HMGB1: variants seen among roughly 807,000 people sequenced by gnomAD.
HMGB1 encodes the protein high mobility group box 1, also known as high mobility group protein B1.
For synonymous variants in HMGB1, 81 were observed against 84.0 expected, an observed-to-expected ratio of 0.96 and a Z score of 0.19; for missense variants, 79 against 253.5, an observed-to-expected ratio of 0.31 and a Z score of 4.67.
intron 1 of HMGB1, among the ~76,000 whole-genome samples, chr13:30,581,259 T>C (rs1197378045): frequency 6.6e-6 from 1 of 152,160 alleles, no homozygotes; most frequent in Non-Finnish European, 1.5e-5. Context: ...ATCCACTGCA[T>C]ACAGTGGGCC....
intron 1 of HMGB1, among the ~76,000 whole-genome samples, chr13:30,516,682 C>T (rs545862963): frequency 7.2e-5 from 11 of 152,242 alleles, no homozygotes; most frequent in Non-Finnish European, 1.5e-5. Flanking sequence ...CTTTGGGAGG[C>T]TGAGGCAGGA....
intron 1 of HMGB1, among the ~76,000 whole-genome samples, chr13:30,481,290 A>ATCTGCTACAGC (rs1053328096): frequency 6.7e-6 from 1 of 148,438 alleles, no homozygotes; most frequent in Admixed American, 6.7e-5. Flanking sequence ...ATGAGATTAG[A>ATCTGCTACAGC]AGAAGATCTG....
At chr13:30,485,063 A>T (rs1266560490) in intron 1 of HMGB1, among the ~76,000 whole-genome samples, 2 of 133,924 alleles carry the variant, frequency 1.5e-5, no homozygotes, top group East Asian at 2.2e-4. Flanking sequence ...ACAGAGTCTC[A>T]CTCTGTTGCC....
upstream of HMGB1, chr13:30,465,948 A>T (rs2137412990): frequency 1.0e-6 from 1 of 986,116 alleles, no homozygotes; most frequent in Non-Finnish European, 1.2e-6. Context: ...CTCTCCAGCC[A>T]GCGCGGCTCC....
At chr13:30,593,082 A>T (rs1370662506) in intron 1 of HMGB1, among the ~76,000 whole-genome samples, 1 of 152,154 alleles carries the variant, frequency 6.6e-6, no homozygotes, top group Non-Finnish European at 1.5e-5. Flanking sequence ...GTCATTTTTA[A>T]TGCAAGAGAA....
At chr13:30,492,209 G>T (rs1239469828) in intron 1 of HMGB1, among the ~76,000 whole-genome samples, 1 of 151,768 alleles carries the variant, frequency 6.6e-6, no homozygotes, top group Non-Finnish European at 1.5e-5. Flanking sequence ...AAATGAAAAG[G>T]CTAGGCACAG....
At position 30,465,193 on chromosome 13, in the gene HMGB1, G is replaced by GGCCGCCGCC. The variant is rs555201146; in HGVS notation, c.-15+594_-15+602dup. On this transcript the variant is annotated intron_variant, in intron 1 of 4. Coordinates refer to ENST00000341423, the MANE Select transcript of HMGB1 (RefSeq NM_002128.7). ...AGCGGCGCCGCTCCCCCCGCCGCCC[G>GGCCGCCGCC]GCCGCCGCCGCCGCCGCGACCGGGC... is the stretch of plus-strand genomic sequence containing the variant. 55 of 780,466 alleles carry GGCCGCCGCC rather than the reference G, an allele frequency of 7.0e-5. No individual in the cohort carries two copies. The East Asian group carries it at 2.1e-3, about 30-fold the overall frequency. 48.3% of individuals were successfully genotyped at this position (780,466 alleles called of 1,614,324 possible). A position where few individuals can be genotyped will look rare whatever the true frequency, so the allele number is the denominator to read the frequency against.
rs139652810 is a variant in HMGB1, at chr13:30,589,196, G to A, written c.-15+27475C>T. On this transcript the variant is annotated intron_variant, in intron 1 of 4. Coordinates refer to the HMGB1 transcript ENST00000405805. Reference sequence around the variant, plus strand: ...AATTTTGTATTTTTAGTAGAGATGGGGTTTCTCCATGTTGGTCAGGCTGGT... The same window carrying A: ...AATTTTGTATTTTTAGTAGAGATGGAGTTTCTCCATGTTGGTCAGGCTGGT... 3.5e-3 allele frequency among the ~76,000 whole-genome samples: 533 copies of A among 151,838 alleles called. 2 individuals are homozygous for A. Among genetic ancestry groups the A allele is most frequent in the African/African-American group, 0.011 (457 of 41,434 alleles).
At chr13:30,604,910 G>A (rs1593341270) in intron 1 of HMGB1, among the ~76,000 whole-genome samples, 3 of 152,136 alleles carry the variant, frequency 2.0e-5, no homozygotes, top group Non-Finnish European at 2.9e-5. Context: ...CACCCACCTC[G>A]GCCTCCCAAA....
intron 1 of HMGB1, among the ~76,000 whole-genome samples, chr13:30,608,382 C>A (rs1414945574): frequency 6.6e-6 from 1 of 151,994 alleles, no homozygotes; most frequent in African/African-American, 2.4e-5. Flanking sequence ...TACTAAAAAT[C>A]ACAGCAACCC....
intron 1 of HMGB1, among the ~76,000 whole-genome samples, chr13:30,549,442 G>C (rs960860190): frequency 1.3e-5 from 2 of 152,186 alleles, no homozygotes; most frequent in Admixed American, 6.5e-5. Context: ...CCCAGGCTGA[G>C]AGCAGTACAC....
intron 1 of HMGB1, among the ~76,000 whole-genome samples, chr13:30,530,508 A>C (rs1037062038): frequency 1.3e-5 from 2 of 152,218 alleles, no homozygotes; most frequent in South Asian, 4.1e-4. Context: ...CCCTTTGACC[A>C]ATACTAGTTC....
intron 1 of HMGB1, among the ~76,000 whole-genome samples, chr13:30,472,140 G>A (rs1886959312): frequency 6.6e-6 from 1 of 151,970 alleles, no homozygotes; most frequent in South Asian, 2.1e-4. Context: ...GAGTCCGGGT[G>A]TGATGGCGCA....
chr13:30,604,093 T>C (rs1268217628), intron 1 of HMGB1, among the ~76,000 whole-genome samples: 1 of 151,480 alleles, frequency 6.6e-6, no homozygotes, highest in Non-Finnish European at 1.5e-5. Context: ...GCTGCATCCA[T>C]CTAGTGGAAA....
At chr13:30,516,097 C>T (rs1261630178) in intron 1 of HMGB1, among the ~76,000 whole-genome samples, 2 of 152,046 alleles carry the variant, frequency 1.3e-5, no homozygotes, top group African/African-American at 4.8e-5. Flanking sequence ...GTGAATCTAC[C>T]CATTTAATTT....
chr13:30,571,457 G>T (rs978524326), intron 1 of HMGB1, among the ~76,000 whole-genome samples: 1 of 152,078 alleles, frequency 6.6e-6, no homozygotes, highest in Non-Finnish European at 1.5e-5. Flanking sequence ...ACCATGCCCG[G>T]CTAATTTTTT....
intron 1 of HMGB1, among the ~76,000 whole-genome samples, chr13:30,482,236 T>C (rs573037480): frequency 7.9e-5 from 12 of 152,234 alleles, no homozygotes; most frequent in African/African-American, 2.7e-4. Context: ...GTTTGTATCA[T>C]TCCGTGTCCC....
intron 1 of HMGB1, among the ~76,000 whole-genome samples, chr13:30,474,867 T>C (rs1157429160): frequency 1.3e-5 from 2 of 149,780 alleles, no homozygotes; most frequent in African/African-American, 4.9e-5. Flanking sequence ...TTTTTTTTTT[T>C]GAGACAGGGT....
At chr13:30,480,133 T>C (rs1484614215) in intron 1 of HMGB1, among the ~76,000 whole-genome samples, 1 of 152,246 alleles carries the variant, frequency 6.6e-6, no homozygotes, top group Non-Finnish European at 1.5e-5. Flanking sequence ...ACAATAAAGA[T>C]GCTTTCGGAA....
Sources: allele counts gnomAD v4.1 joint callset (sites outside exome capture counted in the v4.1 genomes callset), GRCh38; gene constraint gnomAD v4.1.1; transcripts MANE v1.5; gene names NCBI Gene and HGNC (gene_info 2026-07-23, HGNC 2026-07-21).